Variants in MAGI1 observed in about 807,000 individuals in gnomAD.
MAGI1 encodes the protein membrane-associated guanylate kinase, WW and PDZ domain-containing protein 1.
Under a neutral mutation model 139.9 loss-of-function variants are expected in MAGI1, and 58 were observed. The observed-to-expected ratio is 0.41, with a 90% CI of 0.34 to 0.52. The LOEUF is 0.52. Ranked by LOEUF, MAGI1 falls within the 20% of genes least tolerant of loss-of-function variation. MAGI1 has a pLI of 0.12. For missense variants in MAGI1, 1,874 were observed against 1,901.6 expected, an observed-to-expected ratio of 0.99 and a Z score of 0.27; for synonymous variants, 812 against 737.9, an observed-to-expected ratio of 1.10 and a Z score of -1.63.
intron 5 of MAGI1, among the ~76,000 whole-genome samples, chr3:65,468,720 CAT>C (rs1950344697): frequency 1.3e-5 from 2 of 151,940 alleles, no homozygotes; most frequent in African/African-American, 4.8e-5. Context: ...CTCTAACTCT[CAT>C]ATGTTTAGAA....
intron 1 of MAGI1, among the ~76,000 whole-genome samples, chr3:65,993,020 A>G (rs4688257): frequency 0.77 from 116,474 of 151,718 alleles, 45,317 homozygotes; most frequent in East Asian, 0.96. Context: ...TAGTAGAGGC[A>G]GGGTCTCACT....
At chr3:65,944,051 G>A (rs2063445385) in intron 1 of MAGI1, among the ~76,000 whole-genome samples, 2 of 152,170 alleles carry the variant, frequency 1.3e-5, no homozygotes, top group Admixed American at 1.3e-4. Context: ...CTTTCTGACT[G>A]AATCTAAAAG....
intron 2 of MAGI1, among the ~76,000 whole-genome samples, chr3:65,504,944 C>G (rs1029758258): frequency 6.6e-6 from 1 of 152,130 alleles, no homozygotes; most frequent in African/African-American, 2.4e-5. Flanking sequence ...GTAACTGATT[C>G]ATTTCAAACA....
chr3:65,468,432 G>A (rs1950323397), intron 5 of MAGI1, among the ~76,000 whole-genome samples: 2 of 136,878 alleles, frequency 1.5e-5, no homozygotes, highest in Non-Finnish European at 3.0e-5. Context: ...AAGCTGTGCA[G>A]TGGTGCAATC....
intron 1 of MAGI1, among the ~76,000 whole-genome samples, chr3:65,962,411 G>A (rs576975913): frequency 1.6e-4 from 24 of 151,538 alleles, no homozygotes; most frequent in Admixed American, 3.3e-4. Context: ...GTGAGCCACC[G>A]CGCCCGGCCT....
rs115306723 is a variant in MAGI1, at chr3:65,552,920, G to A, written c.431-59289C>T. 6.2e-3 allele frequency among the ~76,000 whole-genome samples: 940 copies of A among 152,220 alleles called. 2 individuals are homozygous for A. Among genetic ancestry groups the A allele is most frequent in the Non-Finnish European group, 9.3e-3 (630 of 68,010 alleles). ...AACTTATGTCTCCTGTTCACAGATG[G>A]TAAACGTAAAATTTCTCCAGGAGAG... On this transcript the variant is annotated intron_variant, in intron 2 of 22. Coordinates refer to ENST00000402939, the MANE Select transcript of MAGI1 (RefSeq NM_001033057.2).
intron 18 of MAGI1, among the ~76,000 whole-genome samples, chr3:65,373,734 A>G (rs1942220744): frequency 6.6e-6 from 1 of 152,170 alleles, no homozygotes; most frequent in South Asian, 2.1e-4. Context: ...CCTAAATTGT[A>G]ACAGCTTTCC....
intron 12 of MAGI1, among the ~76,000 whole-genome samples, chr3:65,408,356 A>G (rs1559530344): frequency 6.6e-6 from 1 of 152,194 alleles, no homozygotes; most frequent in Admixed American, 6.5e-5. Context: ...GAGGAGAGGA[A>G]CTGTATTAAA....
chr3:65,840,888 C>T (rs1432120271), intron 1 of MAGI1, among the ~76,000 whole-genome samples: 6 of 152,202 alleles, frequency 3.9e-5, no homozygotes, highest in Admixed American at 3.3e-4. Context: ...TAGACATTTG[C>T]TACAATTCTT....
chr3:65,694,330 T>C (rs1398437173), intron 1 of MAGI1, among the ~76,000 whole-genome samples: 2 of 152,186 alleles, frequency 1.3e-5, no homozygotes, highest in African/African-American at 4.8e-5. Context: ...AATGTTTCCA[T>C]GCCATGGTTT....
intron 1 of MAGI1, among the ~76,000 whole-genome samples, chr3:65,814,575 C>CTGTTT (rs1553711779): frequency 1.3e-5 from 2 of 152,056 alleles, no homozygotes; most frequent in South Asian, 4.2e-4. Flanking sequence ...ATTTTTTGTT[C>CTGTTT]TGTTTTGTTT....
intron 2 of MAGI1, among the ~76,000 whole-genome samples, chr3:65,553,968 T>G (rs1351721117): frequency 6.6e-6 from 1 of 152,230 alleles, no homozygotes; most frequent in Non-Finnish European, 1.5e-5. Flanking sequence ...ACTACAGTAG[T>G]GTTGCTCACC....
intron 1 of MAGI1, among the ~76,000 whole-genome samples, chr3:66,029,019 T>G (rs983048301): frequency 1.3e-5 from 2 of 152,156 alleles, no homozygotes; most frequent in Admixed American, 1.3e-4. Context: ...GTGGTTTACT[T>G]TCTACTTTTC....
intron 1 of MAGI1, among the ~76,000 whole-genome samples, chr3:65,803,510 T>C (rs901903203): frequency 6.6e-6 from 1 of 152,226 alleles, no homozygotes; most frequent in Admixed American, 6.5e-5. Flanking sequence ...TCTTGTTCAA[T>C]CCATCATTTG....
At chr3:65,419,778 T>C (rs1380827400) in intron 12 of MAGI1, among the ~76,000 whole-genome samples, 1 of 152,118 alleles carries the variant, frequency 6.6e-6, no homozygotes, top group Non-Finnish European at 1.5e-5. Flanking sequence ...ATACAGCCCA[T>C]GGGACACATA....
In MAGI1 at chr3:65,375,949, C is replaced by T. The variant is rs1175880115; in HGVS notation, c.2996-4G>A. ...GGCATAGCCACACATGCATTGCCTG[C>T]TTTGATATTGAGTTTTAATTTTTTT... On this transcript the variant is annotated splice_polypyrimidine_tract_variant and splice_region_variant and intron_variant, in intron 17 of 22. Transcript: ENST00000402939. 6 of 1,609,562 alleles carry T rather than the reference C, an allele frequency of 3.7e-6. No individual in the cohort carries two copies. Among genetic ancestry groups the T allele is most frequent in the African/African-American group, 1.3e-5 (1 of 74,638 alleles).
At chr3:65,792,357 C>G (rs925421109) in intron 1 of MAGI1, among the ~76,000 whole-genome samples, 1 of 151,928 alleles carries the variant, frequency 6.6e-6, no homozygotes, top group African/African-American at 2.4e-5. Context: ...CCCAGCTACT[C>G]GGGAGGCTGA....
rs142001215 is a variant in MAGI1, at chr3:65,952,026, A to G, written c.313+85970T>C. Among the ~76,000 whole-genome samples the G allele has an allele frequency of 2.2e-3, 332 of 152,360 alleles. 2 individuals are homozygous for G. Among genetic ancestry groups the G allele is most frequent in the African/African-American group, 7.3e-3 (302 of 41,578 alleles). On this transcript the variant is annotated intron_variant, in intron 1 of 22. Coordinates refer to ENST00000402939, the MANE Select transcript of MAGI1 (RefSeq NM_001033057.2). ...TGAGATTCCTACTGACGACAAAGTC[A>G]TAAGTATTGCTTCTGTCACTGTGGT...
chr3:65,758,526 G>A (rs1444792353), intron 1 of MAGI1, among the ~76,000 whole-genome samples: 2 of 152,094 alleles, frequency 1.3e-5, no homozygotes, highest in South Asian at 2.1e-4. Flanking sequence ...AATATGTTAA[G>A]TAAATTAATT....
Sources: allele counts gnomAD v4.1 joint callset (sites outside exome capture counted in the v4.1 genomes callset), GRCh38; gene constraint gnomAD v4.1.1; transcripts MANE v1.5; gene names NCBI Gene and HGNC (gene_info 2026-07-23, HGNC 2026-07-21).